CSMD1: variants seen among roughly 807,000 people sequenced by gnomAD.
The protein encoded by CSMD1 is CUB and sushi domain-containing protein 1.
Under a neutral mutation model 417.5 loss-of-function variants are expected in CSMD1, and 213 were observed. That is an observed-to-expected ratio of 0.51 (90% CI 0.46 to 0.57). The LOEUF (loss-of-function observed/expected upper bound fraction) is 0.57. Among genes scored for constraint, CSMD1 ranks in the 20% least tolerant of loss-of-function variants. The probability of loss-of-function intolerance (pLI) is 0.00; values close to 1 mark genes in which losing one functional copy is unlikely to be tolerated. For missense variants in CSMD1, 6,923 were observed against 4,529.7 expected, an observed-to-expected ratio of 1.53 and a Z score of -15.17; for synonymous variants, 2,862 against 1,736.8, an observed-to-expected ratio of 1.65 and a Z score of -16.11.
At chr8:3,248,075 C>G (rs1448544861) in intron 26 of CSMD1, among the ~76,000 whole-genome samples, 6 of 152,180 alleles carry the variant, frequency 3.9e-5, no homozygotes, top group Admixed American at 2.0e-4. Context: ...TGTCTGTAAT[C>G]CCATTGCTTT....
intron 1 of CSMD1, among the ~76,000 whole-genome samples, chr8:4,884,045 G>T (rs1358532310): frequency 1.3e-5 from 2 of 151,980 alleles, no homozygotes; most frequent in Non-Finnish European, 2.9e-5. Flanking sequence ...GTCAAATGGT[G>T]TCTCACTATG....
chr8:4,963,135 G>A (rs1167892439), intron 1 of CSMD1, among the ~76,000 whole-genome samples: 1 of 152,118 alleles, frequency 6.6e-6, no homozygotes, highest in South Asian at 2.1e-4. Flanking sequence ...CCCTCCTACA[G>A]GCAGTCAATT....
intron 10 of CSMD1, among the ~76,000 whole-genome samples, chr8:3,565,712 G>C (rs1430569758): frequency 1.3e-5 from 2 of 152,080 alleles, no homozygotes; most frequent in Admixed American, 1.3e-4. Context: ...TAAGTTTAAA[G>C]CAAATTTTTC....
chr8:3,440,590 A>G (rs1395313309), intron 12 of CSMD1, among the ~76,000 whole-genome samples: 1 of 152,122 alleles, frequency 6.6e-6, no homozygotes, highest in East Asian at 1.9e-4. Context: ...CGTTACTTGC[A>G]AGTAGAGTCA....
At chr8:4,353,737 T>G (rs543129248) in intron 3 of CSMD1, among the ~76,000 whole-genome samples, 17 of 142,904 alleles carry the variant, frequency 1.2e-4, no homozygotes, top group African/African-American at 1.6e-4. Flanking sequence ...TTGTTGGGGT[T>G]CATGGAGATT....
intron 3 of CSMD1, among the ~76,000 whole-genome samples, chr8:4,094,482 T>G (rs1800894633): frequency 1.3e-5 from 2 of 152,202 alleles, no homozygotes; most frequent in Non-Finnish European, 2.9e-5. Context: ...ATGCCTGGAT[T>G]AACGCTGGAG....
At chr8:4,691,472 C>G (rs1306603832) in intron 1 of CSMD1, among the ~76,000 whole-genome samples, 4 of 152,176 alleles carry the variant, frequency 2.6e-5, no homozygotes, top group African/African-American at 9.7e-5. Context: ...ATTGATGGAA[C>G]TCTCCGCCTG....
At chr8:4,152,276 A>G (rs1304670197) in intron 3 of CSMD1, among the ~76,000 whole-genome samples, 1 of 152,226 alleles carries the variant, frequency 6.6e-6, no homozygotes, top group African/African-American at 2.4e-5. Context: ...ATATAGAAAT[A>G]CGATGGTTAA....
In CSMD1 at chr8:2,963,195, C is replaced by T. The variant is rs781761882; in HGVS notation, c.9454+27G>A. 1.1e-5 allele frequency: 18 copies of T among 1,611,398 alleles called. No individual in the cohort carries two copies. The Admixed American group carries it at 1.8e-4, about 16-fold the overall frequency. On this transcript the variant is annotated intron_variant, in intron 60 of 69. Coordinates refer to ENST00000635120, the MANE Select transcript of CSMD1 (RefSeq NM_033225.6). ...GTCCCTGTTGCAGACCTGCAGTGGG[C>T]GGAACAAATTCTGCTGTAGAACTTA...
chr8:4,419,924 G>T, intron 3 of CSMD1, 29 bp downstream of exon 3: 2 of 1,343,200 alleles, frequency 1.5e-6, no homozygotes, highest in Non-Finnish European at 1.0e-6. Flanking sequence ...GACAGTGAAT[G>T]CATGTGCAAA....
At chr8:4,198,828 G>C (rs1034613888) in intron 3 of CSMD1, among the ~76,000 whole-genome samples, 2 of 151,998 alleles carry the variant, frequency 1.3e-5, no homozygotes, top group East Asian at 1.9e-4. Context: ...AAAAGTTAAA[G>C]TACCATCTCA....
intron 5 of CSMD1, among the ~76,000 whole-genome samples, chr8:3,794,815 T>C (rs570299154): frequency 6.6e-6 from 1 of 152,150 alleles, no homozygotes; most frequent in Admixed American, 6.6e-5. Flanking sequence ...CAATAAACTT[T>C]AATTCTGAAG....
chr8:4,024,973 T>A (rs1759355712), intron 4 of CSMD1, among the ~76,000 whole-genome samples: 1 of 152,218 alleles, frequency 6.6e-6, no homozygotes, highest in African/African-American at 2.4e-5. Flanking sequence ...ACGATTGGCC[T>A]GGGCTAGGCC....
intron 7 of CSMD1, among the ~76,000 whole-genome samples, chr8:3,699,733 A>G (rs763449609): frequency 6.6e-6 from 1 of 152,342 alleles, no homozygotes; most frequent in East Asian, 1.9e-4. Flanking sequence ...GATCATCTTT[A>G]TGACAGCTTC....
chr8:3,579,416 T>A (rs1800289325), intron 9 of CSMD1, among the ~76,000 whole-genome samples: 1 of 152,224 alleles, frequency 6.6e-6, no homozygotes, highest in African/African-American at 2.4e-5. Context: ...ACTCAATTAA[T>A]CAAATTACTT....
chr8:3,057,413 C>G (rs1466173869), intron 49 of CSMD1, among the ~76,000 whole-genome samples: 1 of 151,942 alleles, frequency 6.6e-6, no homozygotes, highest in Non-Finnish European at 1.5e-5. Flanking sequence ...GAAACACTAA[C>G]TTAAGGGAAT....
chr8:3,497,433 G>C (rs913373483), intron 10 of CSMD1, among the ~76,000 whole-genome samples: 3 of 151,928 alleles, frequency 2.0e-5, no homozygotes, highest in Non-Finnish European at 4.4e-5. Context: ...TTTAGACACA[G>C]TCTTGCTCTG....
intron 26 of CSMD1, among the ~76,000 whole-genome samples, chr8:3,232,453 A>G (rs1798897392): frequency 6.6e-6 from 1 of 152,088 alleles, no homozygotes; most frequent in Non-Finnish European, 1.5e-5. Flanking sequence ...ATAGTTTTCC[A>G]TTGCAGGAAT....
chr8:3,741,168 C>T (rs566715388), intron 6 of CSMD1, among the ~76,000 whole-genome samples: 26 of 133,484 alleles, frequency 1.9e-4, no homozygotes, highest in African/African-American at 5.4e-4. Context: ...GAGCTGAGAT[C>T]GTGCTATTGC....
Sources: allele counts gnomAD v4.1 joint callset (sites outside exome capture counted in the v4.1 genomes callset), GRCh38; gene constraint gnomAD v4.1.1; transcripts MANE v1.5; gene names NCBI Gene and HGNC (gene_info 2026-07-23, HGNC 2026-07-21).